The following HIP1 variants were observed in gnomAD, a reference collection of about 807,000 sequenced individuals.
HIP1 encodes the protein huntingtin-interacting protein 1.
HIP1 carries 65 observed loss-of-function variants against 147.6 expected under a neutral mutation model. The observed-to-expected ratio is 0.44, with a 90% CI of 0.36 to 0.54. The LOEUF (loss-of-function observed/expected upper bound fraction) is 0.54, where lower values mean the gene tolerates loss of function less well. Ranked by LOEUF, HIP1 falls within the 20% of genes least tolerant of loss-of-function variation. The pLI, the probability that HIP1 is intolerant of heterozygous loss-of-function variation, is 0.00. For missense variants in HIP1, 1,061 were observed against 1,299.6 expected (o/e 0.82, Z 2.82); for synonymous variants, 479 against 504.0 (o/e 0.95, Z 0.67).
rs371553830 is a variant in HIP1 at position 75,534,882 on chromosome 7, C to A, written c.*3290G>T. On this transcript the variant is annotated 3_prime_UTR_variant, in exon 31 of 31. Coordinates refer to ENST00000336926, the MANE Select transcript of HIP1 (RefSeq NM_005338.7). ...GTCCCATCTTGTCATGACCCATTTA[C>A]GCTCACCCGAGACTTGTCACTAGTG... 4.8e-6 allele frequency: 1 copy of A among 206,260 alleles called. No individual in the cohort carries two copies. Among genetic ancestry groups the A allele is most frequent in the African/African-American group, 2.3e-5 (1 of 43,832 alleles). 12.8% of individuals were successfully genotyped at this position (206,260 alleles called of 1,614,324 possible).
chr7:75,558,105 G>T, intron 15 of HIP1, 62 bp downstream of exon 15: 1 of 1,397,162 alleles, frequency 7.2e-7, no homozygotes, highest in Non-Finnish European at 1.0e-6. Flanking sequence ...CCACAGGCCT[G>T]AGCCGCTCTC....
At chr7:75,720,797 G>C (rs782396056) in intron 1 of HIP1, among the ~76,000 whole-genome samples, 1 of 152,038 alleles carries the variant, frequency 6.6e-6, no homozygotes, top group Non-Finnish European at 1.5e-5. Context: ...CCAGCACTTT[G>C]AGAGGCCGAG....
chr7:75,584,453 G>A (rs1796179809), intron 5 of HIP1, among the ~76,000 whole-genome samples: 1 of 152,138 alleles, frequency 6.6e-6, no homozygotes, highest in African/African-American at 2.4e-5. Flanking sequence ...GACAATACCA[G>A]CTTCCCCTTT....
intron 29 of HIP1, among the ~76,000 whole-genome samples, chr7:75,541,691 G>A (rs1015296556): frequency 6.8e-6 from 1 of 148,070 alleles, no homozygotes; most frequent in Admixed American, 6.8e-5. Flanking sequence ...ACGAGACTCC[G>A]TCTCAAAAAA....
intron 1 of HIP1, among the ~76,000 whole-genome samples, chr7:75,685,738 G>C (rs191850156): frequency 6.6e-6 from 1 of 151,860 alleles, no homozygotes; most frequent in Admixed American, 6.6e-5. Context: ...TAGTAGAGAC[G>C]GGTTTTTCCC....
At chr7:75,599,328 G>T (rs587697700) in intron 1 of HIP1, 81 bp from the exon 2 acceptor site, 7 of 1,106,208 alleles carry the variant, frequency 6.3e-6, no homozygotes, top group Non-Finnish European at 6.9e-6. Flanking sequence ...CCAGATGCCC[G>T]CCCCTTTCTC....
intron 14 of HIP1, among the ~76,000 whole-genome samples, chr7:75,558,934 C>T (rs1286848645): frequency 6.6e-6 from 1 of 151,998 alleles, no homozygotes; most frequent in African/African-American, 2.4e-5. Flanking sequence ...CAGGACAATC[C>T]CTTAAACCTG....
At chr7:75,627,059 C>T (rs1798068976) in intron 1 of HIP1, 1 of 152,182 alleles carries the variant, frequency 6.6e-6, no homozygotes, top group Non-Finnish European at 1.5e-5. Flanking sequence ...TGTTTCCTTA[C>T]TGCTGGTGCT....
intron 1 of HIP1, among the ~76,000 whole-genome samples, chr7:75,715,450 GAC>G (rs142882862): frequency 0.081 from 11,161 of 138,100 alleles, 631 homozygotes; most frequent in Admixed American, 0.18. Flanking sequence ...GGGAGAGAGA[GAC>G]ACACACAGAG....
At chr7:75,651,346 C>T (rs1036145824) in intron 1 of HIP1, among the ~76,000 whole-genome samples, 2 of 151,080 alleles carry the variant, frequency 1.3e-5, no homozygotes, top group Admixed American at 1.3e-4. Context: ...ATAGTCCCAG[C>T]TACTCGGGAG....
chr7:75,619,676 A>G (rs1420985389), intron 1 of HIP1, among the ~76,000 whole-genome samples: 1 of 152,180 alleles, frequency 6.6e-6, no homozygotes, highest in Non-Finnish European at 1.5e-5. Context: ...ATTGCCACTA[A>G]GGCCAAATTA....
intron 24 of HIP1, 35 bp downstream of exon 24, chr7:75,547,720 G>A (rs1554491284): frequency 6.4e-7 from 1 of 1,566,236 alleles, no homozygotes; most frequent in Non-Finnish European, 8.8e-7. Flanking sequence ...GACAGATCCT[G>A]CTCCCCTAGG....
chr7:75,581,397 T>G (rs1796038608), intron 6 of HIP1, 99 bp from the exon 7 acceptor site: 1 of 824,264 alleles, frequency 1.2e-6, no homozygotes, highest in Admixed American at 2.1e-5. Flanking sequence ...TCTCCAATGC[T>G]CATGTGCATG....
intron 1 of HIP1, among the ~76,000 whole-genome samples, chr7:75,712,183 G>GA: frequency 6.6e-6 from 1 of 151,886 alleles, no homozygotes; most frequent in East Asian, 1.9e-4. Context: ...TTTACGGGGG[G>GA]AAAAAAAGTT....
intron 1 of HIP1, among the ~76,000 whole-genome samples, chr7:75,681,594 C>T (rs950563543): frequency 9.3e-5 from 14 of 150,420 alleles, no homozygotes; most frequent in African/African-American, 3.2e-4. Context: ...GCAGCCTCGA[C>T]ATCCCAGGCT....
At chr7:75,635,255 G>A (rs1355979470) in intron 1 of HIP1, among the ~76,000 whole-genome samples, 1 of 152,106 alleles carries the variant, frequency 6.6e-6, no homozygotes, top group Non-Finnish European at 1.5e-5. Flanking sequence ...CCAGTCGTGT[G>A]TACCCTCATT....
At chr7:75,591,665 A>T (rs1453306625) in intron 4 of HIP1, among the ~76,000 whole-genome samples, 1 of 149,884 alleles carries the variant, frequency 6.7e-6, no homozygotes, top group Non-Finnish European at 1.5e-5. Context: ...TGGGAGGATC[A>T]CTTGAGGCCA....
intron 11 of HIP1, 84 bp from the exon 12 acceptor site, chr7:75,562,254 G>T: frequency 1.1e-6 from 1 of 886,240 alleles, no homozygotes; most frequent in Non-Finnish European, 1.9e-6. Flanking sequence ...ATGGGAGAAT[G>T]CCCCCTTTCT....
chr7:75,562,091 C>A lies in HIP1; in HGVS notation c.1100G>T (p.Gly367Val), dbSNP rs1554494668. 1 of 1,610,450 alleles carries A rather than the reference C, an allele frequency of 6.2e-7. No homozygotes were observed. Among genetic ancestry groups the A allele is most frequent in the South Asian group, 1.1e-5 (1 of 91,012 alleles). Residue 367 changes from glycine (G) to valine (V), a missense_variant, in exon 12 of 31, where the codon GGT becomes GTT. This residue lies in a region of HIP1 where 810 missense variants were observed against 946.8 expected (regional missense o/e 0.86). Coordinates refer to ENST00000336926, the MANE Select transcript of HIP1 (RefSeq NM_005338.7). ...SDPFNFNSQN[G>V]VNKDEKDHLI... The stretch of plus-strand genomic sequence containing the variant: ...GACTCACTTCTCATCCTTGTTCACA[C>A]CATTTTGACTGTTGAAATTGAAGGG...
Sources: allele counts gnomAD v4.1 joint callset (sites outside exome capture counted in the v4.1 genomes callset), GRCh38; gene constraint gnomAD v4.1.1; regional missense constraint gnomAD v4.1.1; transcripts MANE v1.5; gene names NCBI Gene and HGNC (gene_info 2026-07-23, HGNC 2026-07-21).